ITIH5: variants seen among roughly 807,000 people sequenced by gnomAD.
ITIH5 encodes inter-alpha-trypsin inhibitor heavy chain 5, also known as inter-alpha-trypsin inhibitor heavy chain H5.
In ITIH5, 65 loss-of-function variants were observed where a neutral mutation model predicts 77.5. That is an observed-to-expected ratio of 0.84 (90% CI 0.69 to 1.03). ITIH5 has a LOEUF of 1.03. Ranked by LOEUF, ITIH5 falls within the 50% of genes least tolerant of loss-of-function variation. The pLI, the probability that ITIH5 is intolerant of heterozygous loss-of-function variation, is 0.00. For synonymous variants in ITIH5, 525 were observed against 494.3 expected (o/e 1.06, Z -0.82); for missense variants, 1,208 against 1,213.1 (o/e 1.00, Z 0.06).
At chr10:7,634,845 T>C (rs987501190) in intron 5 of ITIH5, among the ~76,000 whole-genome samples, 6 of 150,092 alleles carry the variant, frequency 4.0e-5, no homozygotes, top group South Asian at 2.1e-4. Context: ...CTCTGCCCCC[T>C]GAGAAAATAC....
Position 7,559,964 on chromosome 10 carries a change from G to C in ITIH5, c.*3119C>G. ...ACTGCCTGGTTCAAGCGATTCTCCTGCCTCAGCCTCCCAAGTAGCTGGAAC... is the reference window on the plus strand; with the variant it reads ...ACTGCCTGGTTCAAGCGATTCTCCTCCCTCAGCCTCCCAAGTAGCTGGAAC... On this transcript the variant is annotated 3_prime_UTR_variant, in exon 14 of 14. Transcript: ENST00000397146. 1 of 408,226 alleles carries C rather than the reference G, an allele frequency of 2.4e-6. No individual in the cohort carries two copies. Among genetic ancestry groups the C allele is most frequent in the South Asian group, 1.8e-5 (1 of 54,576 alleles). 25.3% of individuals were successfully genotyped at this position (408,226 alleles called of 1,614,324 possible).
chr10:7,569,750 G>C lies in ITIH5; in HGVS notation c.2067C>G (p.Pro689=), dbSNP rs749899921. The C allele has an allele frequency of 6.2e-7, 1 of 1,611,808 alleles. No homozygotes were observed. The highest frequency in any genetic ancestry group is 8.5e-7 in the Non-Finnish European group (1 of 1,179,224). The part of the protein sequence containing the change: ...DGDPHFVVDF[P]LSRLTVCFNI... Reference sequence around the variant, plus strand: ...TGAAGCACACGGTGAGTCTGCTCAGGGGGAAATCCACAACAAAGTGGGGAT... The same window carrying C: ...TGAAGCACACGGTGAGTCTGCTCAGCGGGAAATCCACAACAAAGTGGGGAT... Residue 689 remains proline (P), a synonymous_variant, in exon 12 of 14, where the codon CCC becomes CCG. Coordinates refer to ENST00000397146, the MANE Select transcript of ITIH5 (RefSeq NM_030569.7).
Position 7,655,504 on chromosome 10 carries a change from A to G in ITIH5, c.135+127T>C, listed in dbSNP as rs1001252338. On this transcript the variant is annotated intron_variant, in intron 2 of 13. Coordinates refer to ENST00000397146, the MANE Select transcript of ITIH5 (RefSeq NM_030569.7). ...ATAAAAGACTCAACTATGCTGTTTC[A>G]TCTCAGAATTTTTCTACAAGCAACT... 16 of 721,332 alleles carry G rather than the reference A, an allele frequency of 2.2e-5. No homozygotes were observed. In the South Asian group the frequency reaches 2.8e-4, roughly 12 times the overall value. 44.7% of individuals were successfully genotyped at this position (721,332 alleles called of 1,614,324 possible). A position where few individuals can be genotyped will look rare whatever the true frequency, so the allele number is the denominator to read the frequency against.
intron 5 of ITIH5, chr10:7,622,204 G>A (rs1330301926): frequency 6.6e-6 from 1 of 152,168 alleles, no homozygotes; most frequent in African/African-American, 2.4e-5. Flanking sequence ...ACTCCCAGGG[G>A]GCTCTCTTCT....
chr10:7,649,694 G>C (rs117338638), intron 2 of ITIH5, among the ~76,000 whole-genome samples: 235 of 152,276 alleles, frequency 1.5e-3, no homozygotes, highest in Non-Finnish European at 2.6e-3. Flanking sequence ...CTAAGAACAC[G>C]GAAGACATGG....
chr10:7,562,961 G>T lies in ITIH5; in HGVS notation c.*122C>A, dbSNP rs1832066507. On this transcript the variant is annotated 3_prime_UTR_variant, in exon 14 of 14. Transcript: ENST00000397146. ...ACGTCGGATCTATGCTGCACCAGGG[G>T]TGGGTCATGGAGTCCAGCTAATTGC... 4.8e-6 allele frequency: 4 copies of T among 828,140 alleles called. No homozygotes were observed. The highest frequency in any genetic ancestry group is 1.7e-5 in the African/African-American group (1 of 60,546). The allele number at this position is 828,140 out of a possible 1,614,324, so 51.3% of individuals were successfully genotyped here.
At chr10:7,585,853 A>C (rs565026226) in intron 8 of ITIH5, 48 bp downstream of exon 8, 31 of 1,508,622 alleles carry the variant, frequency 2.1e-5, no homozygotes, top group South Asian at 8.8e-5. Context: ...AAAAAAAAAA[A>C]CATTATTTCA....
At chr10:7,581,638 G>A (rs1273561232) in intron 8 of ITIH5, among the ~76,000 whole-genome samples, 1 of 150,126 alleles carries the variant, frequency 6.7e-6, no homozygotes, top group Non-Finnish European at 1.5e-5. Flanking sequence ...CTTACTACAT[G>A]TACATTTTTC....
intron 7 of ITIH5, among the ~76,000 whole-genome samples, chr10:7,604,006 C>T (rs577764874): frequency 8.1e-4 from 124 of 152,228 alleles, no homozygotes; most frequent in African/African-American, 2.5e-3. Context: ...CGGGGGAATC[C>T]CCTGCAGCAT....
At chr10:7,640,931 C>T (rs1833875862) in intron 3 of ITIH5, 76 bp from the exon 4 acceptor site, 2 of 939,346 alleles carry the variant, frequency 2.1e-6, no homozygotes, top group South Asian at 1.3e-5. Context: ...ATAACCATGA[C>T]AACCCCAGGA....
chr10:7,574,654 G>A (rs1445487993), intron 10 of ITIH5, among the ~76,000 whole-genome samples: 4 of 151,960 alleles, frequency 2.6e-5, no homozygotes, highest in South Asian at 2.1e-4. Flanking sequence ...TTAGCCGGGC[G>A]CGGTGGTGGG....
chr10:7,592,750 G>A (rs866283184), intron 7 of ITIH5, among the ~76,000 whole-genome samples: 29 of 152,222 alleles, frequency 1.9e-4, no homozygotes, highest in Middle Eastern at 3.4e-3. Flanking sequence ...TCTCACCCTG[G>A]TTCATCCTGG....
chr10:7,656,429 G>A (rs1018017851), intron 1 of ITIH5, among the ~76,000 whole-genome samples: 4 of 152,134 alleles, frequency 2.6e-5, no homozygotes, highest in Non-Finnish European at 4.4e-5. Flanking sequence ...TGTCCAGGTT[G>A]ATCTCATACT....
At chr10:7,625,773 A>AAAAAAAGAAAG (rs1554755460) in intron 5 of ITIH5, among the ~76,000 whole-genome samples, 1 of 149,682 alleles carries the variant, frequency 6.7e-6, no homozygotes, top group South Asian at 2.1e-4. Flanking sequence ...TCAAAAAAAA[A>AAAAAAAGAAAG]AAAGAAAGAA....
chr10:7,636,879 C>A (rs953966208), intron 5 of ITIH5, among the ~76,000 whole-genome samples: 1 of 152,006 alleles, frequency 6.6e-6, no homozygotes, highest in Non-Finnish European at 1.5e-5. Flanking sequence ...TGGTGAAACC[C>A]CGTCTCGACT....
At chr10:7,611,227 T>C (rs972435993) in intron 7 of ITIH5, among the ~76,000 whole-genome samples, 1 of 152,240 alleles carries the variant, frequency 6.6e-6, no homozygotes, top group African/African-American at 2.4e-5. Context: ...AGTTTCTCCA[T>C]CAGTAAAATG....
At chr10:7,629,439 G>T (rs1467316367) in intron 5 of ITIH5, among the ~76,000 whole-genome samples, 1 of 150,620 alleles carries the variant, frequency 6.6e-6, no homozygotes, top group African/African-American at 2.4e-5. Flanking sequence ...CCGTGTTGTG[G>T]CATGCATCCA....
rs1181735819 is a variant in ITIH5, at chr10:7,561,799, C to T, written c.*1284G>A. On this transcript the variant is annotated 3_prime_UTR_variant, in exon 14 of 14. Coordinates refer to ENST00000397146, the MANE Select transcript of ITIH5 (RefSeq NM_030569.7). ...TGGTGTCAAGCCCCGTGGAAGAAGC[C>T]TCTTGTGAGGCCAGCCCCAGAGCCT... is the stretch of plus-strand genomic sequence containing the variant. 6.6e-6 allele frequency: 1 copy of T among 152,198 alleles called. No homozygotes were observed. The highest frequency in any genetic ancestry group is 1.5e-5 in the Non-Finnish European group (1 of 68,052). The allele number at this position is 152,198 out of a possible 1,614,324, so 9.4% of individuals were successfully genotyped here.
chr10:7,637,076 G>A lies in ITIH5; in HGVS notation c.652+152C>T, dbSNP rs1049680598. ...AAAAAGAAAAAAAGTACCAGTTGCT[G>A]TCTTAGCTTCATTGCTATCATTCCA... On this transcript the variant is annotated intron_variant, in intron 5 of 13. Transcript: ENST00000397146. 17 of 1,004,018 alleles carry A rather than the reference G, an allele frequency of 1.7e-5. No individual in the cohort carries two copies. In the African/African-American group the frequency reaches 2.6e-4, roughly 15 times the overall value. 62.2% of individuals were successfully genotyped at this position (1,004,018 alleles called of 1,614,324 possible). A position where few individuals can be genotyped will look rare whatever the true frequency, so the allele number is the denominator to read the frequency against.
Sources: allele counts gnomAD v4.1 joint callset (sites outside exome capture counted in the v4.1 genomes callset), GRCh38; gene constraint gnomAD v4.1.1; transcripts MANE v1.5; gene names NCBI Gene and HGNC (gene_info 2026-07-23, HGNC 2026-07-21).